The following DNAH10 variants were observed in gnomAD, a reference collection of about 807,000 sequenced individuals.
DNAH10 encodes the protein dynein axonemal heavy chain 10, also known as axonemal beta dynein heavy chain 10.
Under a neutral mutation model 506.6 loss-of-function variants are expected in DNAH10, and 348 were observed. The observed-to-expected ratio is 0.69, with a 90% CI of 0.63 to 0.75. DNAH10 has a LOEUF of 0.75. Ranked by LOEUF, DNAH10 falls within the 30% of genes least tolerant of loss-of-function variation. DNAH10 has a pLI of 0.00. For synonymous variants in DNAH10, 2,059 were observed against 2,198.6 expected (o/e 0.94, Z 1.78); for missense variants, 5,179 against 5,787.1 (o/e 0.89, Z 3.41).
Position 123,804,930 on chromosome 12 carries a change from A to G in DNAH10, c.2877A>G (p.Lys959=), listed in dbSNP as rs758261160. 4.3e-6 allele frequency: 7 copies of G among 1,614,174 alleles called. No homozygotes were observed. In the South Asian group the frequency reaches 7.7e-5, roughly 18 times the overall value. ...TTGCCATTGGACCACTGCTGACCAA[A>G]GTTGAGGGCCTGGTCGTCCACACCA... The part of the protein sequence containing the change: ...WYLAIGPLLT[K]VEGLVVHTNT... The change falls in exon 18 of 79, where the codon AAA becomes AAG. Residue 959 remains lysine, a synonymous_variant. Transcript: ENST00000673944.
chr12:123,845,541 G>C, intron 30 of DNAH10, 59 bp from the exon 31 acceptor site: 1 of 1,590,274 alleles, frequency 6.3e-7, no homozygotes, highest in Non-Finnish European at 8.6e-7. Context: ...TGAAGGGACT[G>C]TTTTGGGTAC....
intron 52 of DNAH10, among the ~76,000 whole-genome samples, chr12:123,889,888 T>C (rs1952900885): frequency 6.6e-6 from 1 of 152,180 alleles, no homozygotes; most frequent in South Asian, 2.1e-4. Flanking sequence ...GCCACCCGTT[T>C]CTTGGCTCTT....
chr12:123,789,896 A>C (rs1958014187), intron 10 of DNAH10, 31 bp from the exon 11 acceptor site: 1 of 1,587,474 alleles, frequency 6.3e-7, no homozygotes, highest in Admixed American at 1.7e-5. Context: ...ACCCAAATGT[A>C]ATCTCCTCAT....
At chr12:123,791,516 A>G (rs1332865106) in intron 11 of DNAH10, among the ~76,000 whole-genome samples, 1 of 152,178 alleles carries the variant, frequency 6.6e-6, no homozygotes, top group Non-Finnish European at 1.5e-5. Context: ...CTAATTTATT[A>G]TTAGCTGCTA....
chr12:123,882,794 A>T (rs1429221513), intron 51 of DNAH10, among the ~76,000 whole-genome samples: 1 of 127,242 alleles, frequency 7.9e-6, no homozygotes, highest in Non-Finnish European at 1.9e-5. Context: ...TCTGTCAAAA[A>T]AAAAAAAAAA....
At chr12:123,807,157 A>G (rs941783863) in intron 18 of DNAH10, among the ~76,000 whole-genome samples, 8 of 151,512 alleles carry the variant, frequency 5.3e-5, no homozygotes, top group Non-Finnish European at 8.8e-5. Flanking sequence ...CCATCTGTTC[A>G]TTCACTCATC....
Position 123,931,826 on chromosome 12 carries a change from G to A in DNAH10, c.13107G>A (p.Lys4369=). The part of the protein sequence containing the change: ...RFNKLVVRMT[K]SLAELQRALA... Reference sequence around the variant, plus strand: ...ACAAGCTTGTGGTCCGGATGACGAAGTCTCTGGCTGAACTTCAAAGGGTGA... The same window carrying A: ...ACAAGCTTGTGGTCCGGATGACGAAATCTCTGGCTGAACTTCAAAGGGTGA... The change falls in exon 75 of 79, where the codon AAG becomes AAA. Residue 4369 remains lysine (K), a synonymous_variant. Transcript: ENST00000673944. The A allele has an allele frequency of 6.2e-7, 1 of 1,614,054 alleles. No individual in the cohort carries two copies. Among genetic ancestry groups the A allele is most frequent in the Non-Finnish European group, 8.5e-7 (1 of 1,179,902 alleles).
Position 123,783,979 on chromosome 12 carries a change from G to C in DNAH10, c.1032G>C (p.Trp344Cys). Residue 344 changes from tryptophan to cysteine, a missense_variant, in exon 8 of 79, where the codon TGG (tryptophan) becomes TGC (cysteine). This residue lies in a region of DNAH10 where 4,844 missense variants were observed against 5,430.5 expected (regional missense o/e 0.89). Transcript: ENST00000673944. Reference sequence around the variant, plus strand: ...GCCCTCTGGCTGAAATTGAATTCTGGAGGGAAAGAAATGCAACCTTAAGTG... The same window carrying C: ...GCCCTCTGGCTGAAATTGAATTCTGCAGGGAAAGAAATGCAACCTTAAGTG... ...GKGPLAEIEF[W>C]RERNATLSAL... 6.2e-7 allele frequency: 1 copy of C among 1,614,216 alleles called. No homozygotes were observed. Among genetic ancestry groups the C allele is most frequent in the Non-Finnish European group, 8.5e-7 (1 of 1,180,034 alleles).
At chr12:123,788,125 C>A in intron 10 of DNAH10, 123 bp downstream of exon 10, 1 of 1,130,498 alleles carries the variant, frequency 8.8e-7, no homozygotes, top group Non-Finnish European at 1.3e-6. Flanking sequence ...AGAAGCCCTT[C>A]AAAGAAAGAA....
chr12:123,911,171 CA>C (rs375061139), intron 59 of DNAH10, among the ~76,000 whole-genome samples: 142 of 110,970 alleles, frequency 1.3e-3, no homozygotes, highest in Admixed American at 1.8e-3. Context: ...GACCCTGTCT[CA>C]AAAAAAAAAA....
rs1179599811 is a variant in DNAH10 at position 123,870,494 on chromosome 12, G to T, written c.7639+9G>T. On this transcript the variant is annotated intron_variant, in intron 44 of 78. Coordinates refer to ENST00000673944, the MANE Select transcript of DNAH10 (RefSeq NM_001372106.1). ...ATTCATCAACATCCTGGGTAAGTCA[G>T]AGTCAAATCCTTGTTCCTGGGTTTA... 1 of 1,612,296 alleles carries T rather than the reference G, an allele frequency of 6.2e-7. No homozygotes were observed. The highest frequency in any genetic ancestry group is 2.2e-5 in the East Asian group (1 of 44,862).
At chr12:123,920,282 A>C (rs1001898159) in intron 65 of DNAH10, among the ~76,000 whole-genome samples, 7 of 152,216 alleles carry the variant, frequency 4.6e-5, no homozygotes, top group African/African-American at 1.7e-4. Flanking sequence ...TGTATCTCTA[A>C]AACAGAGGTC....
intron 26 of DNAH10, among the ~76,000 whole-genome samples, chr12:123,830,904 T>C (rs1565960351): frequency 6.6e-6 from 1 of 152,082 alleles, no homozygotes; most frequent in Non-Finnish European, 1.5e-5. Context: ...GATCGCACCA[T>C]GGCACTCCAG....
chr12:123,806,100 C>T (rs1320697964), intron 18 of DNAH10, among the ~76,000 whole-genome samples: 1 of 152,032 alleles, frequency 6.6e-6, no homozygotes, highest in African/African-American at 2.4e-5. Flanking sequence ...TTTTCTTTTT[C>T]GTTTTTTGCT....
At chr12:123,882,510 C>T (rs1437760855) in intron 51 of DNAH10, among the ~76,000 whole-genome samples, 5 of 152,118 alleles carry the variant, frequency 3.3e-5, no homozygotes, top group Admixed American at 6.5e-5. Flanking sequence ...TCTGTGGCTT[C>T]GGCCGGGCGT....
chr12:123,854,293 A>G (rs1472283595), intron 36 of DNAH10, among the ~76,000 whole-genome samples: 1 of 152,118 alleles, frequency 6.6e-6, no homozygotes, highest in Non-Finnish European at 1.5e-5. Context: ...TGAGTGGGTC[A>G]TATCTTCTGA....
chr12:123,916,823 T>G lies in DNAH10; in HGVS notation c.11002+87T>G, dbSNP rs1954501590. On this transcript the variant is annotated intron_variant, in intron 63 of 78. Coordinates refer to ENST00000673944, the MANE Select transcript of DNAH10 (RefSeq NM_001372106.1). The surrounding 1 kb of genome is among the most constrained non-coding windows in gnomAD (Gnocchi z 4.6). ...GATCAAGGCATTCATGGGACATCAT[T>G]TCACTCAGTGACCCCAGATCATTCT... 1.2e-5 allele frequency: 18 copies of G among 1,461,556 alleles called. No individual in the cohort carries two copies. The highest frequency in any genetic ancestry group is 1.5e-5 in the Non-Finnish European group (16 of 1,095,268). The allele number at this position is 1,461,556 out of a possible 1,614,324, so 90.5% of individuals were successfully genotyped here. A position where few individuals can be genotyped will look rare whatever the true frequency, so the allele number is the denominator to read the frequency against.
intron 34 of DNAH10, among the ~76,000 whole-genome samples, chr12:123,849,821 A>C (rs1565990272): frequency 1.3e-5 from 2 of 152,202 alleles, no homozygotes; most frequent in Admixed American, 1.3e-4. Flanking sequence ...CTCACTGTTA[A>C]GAGATTGTGT....
At position 123,897,758 on chromosome 12, in the gene DNAH10, C is replaced by T; in HGVS notation, c.9281-12C>T. 1.3e-6 allele frequency: 2 copies of T among 1,587,046 alleles called. No homozygotes were observed. The highest frequency in any genetic ancestry group is 2.0e-5 in the Admixed American group (1 of 51,048). On this transcript the variant is annotated splice_polypyrimidine_tract_variant and intron_variant, in intron 54 of 78. Transcript: ENST00000673944. ...AAAAGAAAGAAAACATTTTTTATTC[C>T]TTCCTCTTCAGGGTATAATCCAATG...
Sources: gnomAD v4.1 joint callset for allele counts (sites outside exome capture counted in the v4.1 genomes callset) on GRCh38, gnomAD v4.1.1 for gene constraint, gnomAD v4.1.1 regional missense constraint, Gnocchi (gnomAD v3.1) non-coding constraint, MANE v1.5 for transcripts, NCBI Gene and HGNC (gene_info 2026-07-23, HGNC 2026-07-21) for gene names.